ATXN2: variants seen among roughly 807,000 people sequenced by gnomAD.
The protein encoded by ATXN2 is ataxin-2.
In ATXN2, 37 loss-of-function variants were observed where a neutral mutation model predicts 138.6. The ratio of observed to expected loss-of-function variants is 0.27; its 90% CI spans 0.21 to 0.35. ATXN2 has a LOEUF of 0.35. Among genes scored for constraint, ATXN2 ranks in the 10% least tolerant of loss-of-function variants. ATXN2 has a pLI of 1.00. For missense variants in ATXN2, 1,216 were observed against 1,480.3 expected, an observed-to-expected ratio of 0.82 and a Z score of 2.93; for synonymous variants, 549 against 543.7, an observed-to-expected ratio of 1.01 and a Z score of -0.13.
intron 21 of ATXN2, among the ~76,000 whole-genome samples, chr12:111,463,591 T>G (rs1228222922): frequency 6.6e-6 from 1 of 152,106 alleles, no homozygotes; most frequent in African/African-American, 2.4e-5. Flanking sequence ...TTTTTACAAA[T>G]TGCCCTACAA....
At chr12:111,511,316 G>A (rs1001689967) in intron 11 of ATXN2, 7 of 151,242 alleles carry the variant, frequency 4.6e-5, no homozygotes, top group African/African-American at 9.7e-5. Flanking sequence ...TTTCCAATTA[G>A]TAAAAAGAGA....
At chr12:111,549,759 G>GT (rs1484794510) in intron 5 of ATXN2, among the ~76,000 whole-genome samples, 3 of 152,108 alleles carry the variant, frequency 2.0e-5, no homozygotes, top group Non-Finnish European at 4.4e-5. Flanking sequence ...CTAAACCACT[G>GT]TAAGTTTTGA....
chr12:111,598,847 G>A lies in ATXN2; in HGVS notation c.188C>T (p.Ser63Leu), dbSNP rs1259430760. 6 of 1,472,746 alleles carry A rather than the reference G, an allele frequency of 4.1e-6. No homozygotes were observed. Among genetic ancestry groups the A allele is most frequent in the East Asian group, 3.0e-5 (1 of 33,746 alleles). The allele number at this position is 1,472,746 out of a possible 1,614,324, so 91.2% of individuals were successfully genotyped here. A position where few individuals can be genotyped will look rare whatever the true frequency, so the allele number is the denominator to read the frequency against. The change falls in exon 1 of 25, where the codon TCG becomes TTG. Residue 63 changes from serine (S) to leucine (L), a missense_variant. Ser to Leu is a moderately radical substitution (Grantham distance 145). Transcript: ENST00000673436. This position sits in a 1 kb window ranked among gnomAD's most constrained non-coding sequence, Gnocchi z 4.5. ...GACCACCGAGGAGGGAGCCGTGGCC[G>A]AGGACGAGGAGACCGAGGACGAGGA... ...SPSSSSVSSS[S>L]ATAPSSVVAA... is the part of the protein sequence containing the mutation.
At chr12:111,490,465 T>G (rs1228053577) in intron 14 of ATXN2, among the ~76,000 whole-genome samples, 1 of 151,914 alleles carries the variant, frequency 6.6e-6, no homozygotes, top group Non-Finnish European at 1.5e-5. Flanking sequence ...AGTAGGTGAA[T>G]TCAGAATGAG....
At chr12:111,519,078 A>G (rs1005036284) in intron 8 of ATXN2, among the ~76,000 whole-genome samples, 1 of 152,150 alleles carries the variant, frequency 6.6e-6, no homozygotes, top group South Asian at 2.1e-4. Context: ...CTCTCTTACC[A>G]GTACATCCAT....
At chr12:111,577,476 A>G (rs918088596) in intron 1 of ATXN2, among the ~76,000 whole-genome samples, 5 of 151,444 alleles carry the variant, frequency 3.3e-5, no homozygotes, top group African/African-American at 1.2e-4. Context: ...CGTGTTAGCC[A>G]GGATGGTCTC....
chr12:111,520,521 C>A (rs1029710909), intron 7 of ATXN2, among the ~76,000 whole-genome samples: 5 of 152,026 alleles, frequency 3.3e-5, no homozygotes, highest in African/African-American at 7.2e-5. Flanking sequence ...CATGGTAGCA[C>A]GCGCCTATAG....
At chr12:111,463,497 G>A (rs1168185833) in intron 21 of ATXN2, among the ~76,000 whole-genome samples, 3 of 152,058 alleles carry the variant, frequency 2.0e-5, no homozygotes, top group Admixed American at 6.6e-5. Flanking sequence ...GGCTGTTCTC[G>A]AACTCCTGGC....
intron 1 of ATXN2, among the ~76,000 whole-genome samples, chr12:111,577,799 C>T (rs1450447170): frequency 6.6e-6 from 1 of 152,008 alleles, no homozygotes; most frequent in Non-Finnish European, 1.5e-5. Flanking sequence ...GTTCACAAAA[C>T]GGCTAGGCAT....
chr12:111,519,208 T>C (rs1880022890), intron 8 of ATXN2, among the ~76,000 whole-genome samples: 1 of 152,190 alleles, frequency 6.6e-6, no homozygotes, highest in Non-Finnish European at 1.5e-5. Context: ...CAGTCCTCAA[T>C]GCCCCAGGGT....
chr12:111,566,523 T>A (rs1883018913), intron 1 of ATXN2, among the ~76,000 whole-genome samples: 1 of 152,000 alleles, frequency 6.6e-6, no homozygotes, highest in South Asian at 2.1e-4. Context: ...CAAAATAAAT[T>A]GAAAACTTTC....
In ATXN2 at chr12:111,566,438, CAAAAAAAAAGAAAA is replaced by C. The variant is rs1303771208; in HGVS notation, c.252-10533_252-10520del. On this transcript the variant is annotated intron_variant, in intron 1 of 24. Coordinates refer to ENST00000673436, the MANE Select transcript of ATXN2 (RefSeq NM_001372574.1). Reference sequence around the variant, plus strand: ...GACAAGAGCAAAAAAAACTCCATCTCAAAAAAAAAGAAAAAAAAAAAAAGAAATACATTCTGTAA... The same window carrying C: ...GACAAGAGCAAAAAAAACTCCATCTCAAAAAAAAAGAAATACATTCTGTAA... Among the ~76,000 whole-genome samples, 9 of 97,650 alleles carry C rather than the reference CAAAAAAAAAGAAAA, an allele frequency of 9.2e-5. No individual in the cohort carries two copies. In the East Asian group the frequency reaches 4.0e-3, roughly 43 times the overall value. 64.1% of individuals were successfully genotyped at this position (97,650 alleles called of 152,430 possible). A position where few individuals can be genotyped will look rare whatever the true frequency, so the allele number is the denominator to read the frequency against.
At chr12:111,455,615 G>C in intron 23 of ATXN2, 1 of 307,370 alleles carries the variant, frequency 3.3e-6, no homozygotes, top group Non-Finnish European at 6.3e-6. Context: ...GACAGGCCCC[G>C]GTAGTCACTT....
chr12:111,556,377 A>C (rs1882389932), intron 1 of ATXN2, among the ~76,000 whole-genome samples: 1 of 152,162 alleles, frequency 6.6e-6, no homozygotes, highest in Admixed American at 6.5e-5. Context: ...CTCTGTCTCT[A>C]AATAATAATC....
At chr12:111,493,519 G>A (rs1463052036) in intron 14 of ATXN2, among the ~76,000 whole-genome samples, 1 of 150,480 alleles carries the variant, frequency 6.6e-6, no homozygotes, top group Non-Finnish European at 1.5e-5. Context: ...CTGGTAACAA[G>A]TACACAGAAA....
chr12:111,534,656 G>A (rs1294314120), intron 5 of ATXN2, among the ~76,000 whole-genome samples: 1 of 151,440 alleles, frequency 6.6e-6, no homozygotes, highest in Non-Finnish European at 1.5e-5. Context: ...GAGACCACTG[G>A]TTCTCCAACT....
intron 21 of ATXN2, among the ~76,000 whole-genome samples, chr12:111,464,127 G>A (rs1875797317): frequency 6.6e-6 from 1 of 152,034 alleles, no homozygotes. Flanking sequence ...GCACAGGACT[G>A]AAAAGTTTTT....
At chr12:111,506,682 C>T (rs1166474786) in intron 14 of ATXN2, among the ~76,000 whole-genome samples, 1 of 149,894 alleles carries the variant, frequency 6.7e-6, no homozygotes. Flanking sequence ...TCTCCCTCTC[C>T]CTCTCTTTCC....
Position 111,453,333 on chromosome 12 carries a change from T to A in ATXN2, c.3439+344A>T. Reference sequence around the variant, plus strand: ...TCTGCCATGGTAATAACCCCCCACATGTCAGACTTTTGGGACTCAGGAAGG... The same window carrying A: ...TCTGCCATGGTAATAACCCCCCACAAGTCAGACTTTTGGGACTCAGGAAGG... On this transcript the variant is annotated intron_variant, in intron 24 of 24. Coordinates refer to ENST00000673436, the MANE Select transcript of ATXN2 (RefSeq NM_001372574.1). The surrounding 1 kb of genome is among the most constrained non-coding windows in gnomAD (Gnocchi z 5.4). 9.2e-7 allele frequency: 1 copy of A among 1,086,464 alleles called. No homozygotes were observed. Among genetic ancestry groups the A allele is most frequent in the East Asian group, 6.4e-5 (1 of 15,524 alleles). 67.3% of individuals were successfully genotyped at this position (1,086,464 alleles called of 1,614,324 possible). A position where few individuals can be genotyped will look rare whatever the true frequency, so the allele number is the denominator to read the frequency against.
Sources: gnomAD v4.1 joint callset for allele counts (sites outside exome capture counted in the v4.1 genomes callset) on GRCh38, gnomAD v4.1.1 for gene constraint, Gnocchi (gnomAD v3.1) non-coding constraint, MANE v1.5 for transcripts, NCBI Gene and HGNC (gene_info 2026-07-23, HGNC 2026-07-21) for gene names.